Variants in PKHD1 observed in about 807,000 individuals in gnomAD.
PKHD1 encodes fibrocystin.
In PKHD1, 291 loss-of-function variants were observed where a neutral mutation model predicts 412.0. That is an observed-to-expected ratio of 0.71 (90% CI 0.64 to 0.78). The LOEUF is 0.78. Among genes scored for constraint, PKHD1 ranks in the 30% least tolerant of loss-of-function variants. PKHD1 has a pLI of 0.00. For synonymous variants in PKHD1, 1,777 were observed against 1,821.5 expected (o/e 0.98, Z 0.62); for missense variants, 4,825 against 4,950.7 (o/e 0.97, Z 0.76).
At chr6:51,903,852 TA>T in intron 42 of PKHD1, 125 bp from the exon 43 acceptor site, 4 of 417,712 alleles carry the variant, frequency 9.6e-6, no homozygotes, top group Non-Finnish European at 1.7e-5. Flanking sequence ...TATATATATA[TA>T]TATATATTTA....
chr6:51,796,389 TC>T (rs1582743730), intron 52 of PKHD1, among the ~76,000 whole-genome samples: 1 of 151,954 alleles, frequency 6.6e-6, no homozygotes, highest in Non-Finnish European at 1.5e-5. Context: ...ATTTCAATCT[TC>T]TCTTTCTTCT....
intron 35 of PKHD1, among the ~76,000 whole-genome samples, chr6:51,968,241 A>T (rs553008433): frequency 4.1e-4 from 63 of 152,264 alleles, no homozygotes; most frequent in Non-Finnish European, 6.8e-4. Context: ...GCAAAAAAAA[A>T]TTTTTTTACA....
intron 35 of PKHD1, among the ~76,000 whole-genome samples, chr6:51,989,944 GAAGAAAGGAAGGAAAGAAGGA>G (rs1562073171): frequency 6.3e-3 from 176 of 28,086 alleles, no homozygotes; most frequent in Non-Finnish European, 9.7e-3. Flanking sequence ...AAGAAGGAAG[GAAGAAAGGAAGGAAAGAAGGA>G]AGGAAGGAAG....
At chr6:51,785,089 C>T (rs1191743262) in intron 53 of PKHD1, among the ~76,000 whole-genome samples, 1 of 152,108 alleles carries the variant, frequency 6.6e-6, no homozygotes, top group Admixed American at 6.6e-5. Context: ...GTCTTGTTCA[C>T]TGTGGAATAT....
At chr6:51,746,615 T>A in intron 59 of PKHD1, 106 bp downstream of exon 59, 1 of 770,424 alleles carries the variant, frequency 1.3e-6, no homozygotes, top group Non-Finnish European at 2.3e-6. Flanking sequence ...TAAGATTCAT[T>A]TCTATTTCTT....
rs114062994 is a variant in PKHD1, at chr6:52,018,675, C to T, written c.5381-1046G>A. Among the ~76,000 whole-genome samples, 665 of 152,136 alleles carry T rather than the reference C, an allele frequency of 4.4e-3. 5 individuals carry two copies. The highest frequency in any genetic ancestry group is 0.015 in the African/African-American group (621 of 41,498). On this transcript the variant is annotated intron_variant, in intron 33 of 66. Transcript: ENST00000371117. Reference sequence around the variant, plus strand: ...ACTACAGGTGCACACCACCACACCCCGGATGATCTTTTGTATTTTAGCAGA... The same window carrying T: ...ACTACAGGTGCACACCACCACACCCTGGATGATCTTTTGTATTTTAGCAGA...
At position 51,971,708 on chromosome 6, in the gene PKHD1, TTTTTGTTTTGTTTTG is replaced by T. The variant is rs141477157; in HGVS notation, c.5752-11697_5752-11683del. On this transcript the variant is annotated intron_variant, in intron 35 of 66. Coordinates refer to ENST00000371117, the MANE Select transcript of PKHD1 (RefSeq NM_138694.4). ...TGTTTTTTGGGTTGGTTTTTTTTGC[TTTTTGTTTTGTTTTG>T]TTTTGTTTTGTTTTGTTTTGTTTTT... Among the ~76,000 whole-genome samples, 483 of 149,646 alleles carry T rather than the reference TTTTTGTTTTGTTTTG, an allele frequency of 3.2e-3. 5 individuals are homozygous for T. Among genetic ancestry groups the T allele is most frequent in the African/African-American group, 0.011 (446 of 40,446 alleles).
At chr6:51,959,124 T>C (rs922242170) in intron 36 of PKHD1, among the ~76,000 whole-genome samples, 1 of 152,142 alleles carries the variant, frequency 6.6e-6, no homozygotes, top group Non-Finnish European at 1.5e-5. Flanking sequence ...TAAATATATT[T>C]ATAGTAAAGA....
chr6:51,950,218 A>T (rs866087969), intron 36 of PKHD1, among the ~76,000 whole-genome samples: 1,437 of 40,898 alleles, frequency 0.035, 21 homozygotes, highest in Admixed American at 0.069. Flanking sequence ...GAGAAAAAAA[A>T]AAATATATAT....
intron 36 of PKHD1, among the ~76,000 whole-genome samples, chr6:51,950,631 T>G (rs2127875124): frequency 6.6e-6 from 1 of 152,256 alleles, no homozygotes; most frequent in East Asian, 1.9e-4. Flanking sequence ...AGTTACCAGG[T>G]GATGCCAGTG....
chr6:51,859,292 C>T (rs899802417), intron 48 of PKHD1, among the ~76,000 whole-genome samples: 3 of 151,768 alleles, frequency 2.0e-5, no homozygotes, highest in Non-Finnish European at 4.4e-5. Context: ...TTTGGGACGC[C>T]GAGGCGGGTG....
intron 50 of PKHD1, among the ~76,000 whole-genome samples, chr6:51,838,121 T>A (rs788505): frequency 0.56 from 84,637 of 152,084 alleles, 24,669 homozygotes; most frequent in East Asian, 0.92. Flanking sequence ...TCTAAAGTTC[T>A]AAAGTACTTC....
Position 51,687,470 on chromosome 6 carries a change from C to T in PKHD1, c.10157-27501G>A, listed in dbSNP as rs77559142. Among the ~76,000 whole-genome samples, 433 of 152,272 alleles carry T rather than the reference C, an allele frequency of 2.8e-3. 2 individuals carry two copies. Among genetic ancestry groups the T allele is most frequent in the African/African-American group, 0.01 (423 of 41,562 alleles). On this transcript the variant is annotated intron_variant, in intron 60 of 66. Coordinates refer to ENST00000371117, the MANE Select transcript of PKHD1 (RefSeq NM_138694.4). The stretch of plus-strand genomic sequence containing the variant: ...TATTCTACAGATAACTAAACCTAAG[C>T]TCATGGTGTTAAATATCCATAGACA...
At chr6:51,850,910 C>T (rs552835674) in intron 49 of PKHD1, among the ~76,000 whole-genome samples, 8 of 152,162 alleles carry the variant, frequency 5.3e-5, no homozygotes, top group South Asian at 2.1e-4. Context: ...CCTGATTACC[C>T]GGCCAGAACT....
intron 37 of PKHD1, among the ~76,000 whole-genome samples, chr6:51,915,713 C>A (rs1429779430): frequency 5.3e-5 from 8 of 151,884 alleles, no homozygotes; most frequent in Admixed American, 5.3e-4. Flanking sequence ...ACTCTCATGG[C>A]AGGTACCAGC....
rs1254966401 is a variant in PKHD1, at chr6:52,050,362, C to T, written c.2141-67G>A. 2.6e-6 allele frequency: 4 copies of T among 1,539,400 alleles called. No individual in the cohort carries two copies. The East Asian group carries it at 9.0e-5, about 35-fold the overall frequency. ...GGTAGACTTGCTGTGTGGAAAATCC[C>T]AGTTGGAAATGTGAGTTACTCAGAT... On this transcript the variant is annotated intron_variant, in intron 21 of 66. Transcript: ENST00000371117.
At chr6:51,719,920 A>G (rs1440953750) in intron 60 of PKHD1, among the ~76,000 whole-genome samples, 2 of 152,176 alleles carry the variant, frequency 1.3e-5, no homozygotes, top group African/African-American at 2.4e-5. Flanking sequence ...AATGAAAAAG[A>G]AAGTCTTAAA....
chr6:51,682,426 G>A (rs1259557408), intron 60 of PKHD1, among the ~76,000 whole-genome samples: 1 of 152,026 alleles, frequency 6.6e-6, no homozygotes, highest in Admixed American at 6.6e-5. Flanking sequence ...ATATAAAGAT[G>A]AAATTTACTT....
chr6:52,070,344 T>C, intron 10 of PKHD1, 62 bp downstream of exon 10: 1 of 988,972 alleles, frequency 1.0e-6, no homozygotes, highest in African/African-American at 1.6e-5. Flanking sequence ...GTAAGCAAGA[T>C]GAGAGAGATA....
Sources: gnomAD v4.1 joint callset for allele counts (sites outside exome capture counted in the v4.1 genomes callset) on GRCh38, gnomAD v4.1.1 for gene constraint, MANE v1.5 for transcripts, NCBI Gene and HGNC (gene_info 2026-07-23, HGNC 2026-07-21) for gene names.